The following ADAMTS14 variants were observed in gnomAD, a reference collection of about 807,000 sequenced individuals.
ADAMTS14 encodes the protein ADAM metallopeptidase with thrombospondin type 1 motif 14, also known as A disintegrin and metalloproteinase with thrombospondin motifs 14.
A neutral mutation model predicts 128.6 loss-of-function variants in ADAMTS14; 100 were observed. The observed-to-expected ratio is 0.78, with a 90% CI of 0.66 to 0.92. The LOEUF is 0.92. Among genes scored for constraint, ADAMTS14 ranks in the 40% least tolerant of loss-of-function variants. The pLI is 0.00. For missense variants in ADAMTS14, 1,562 were observed against 1,658.6 expected (o/e 0.94, Z 1.01); for synonymous variants, 665 against 653.8 (o/e 1.02, Z -0.26).
chr10:70,737,246 C>T (rs1178356028), intron 10 of ADAMTS14, among the ~76,000 whole-genome samples: 1 of 152,186 alleles, frequency 6.6e-6, no homozygotes, highest in African/African-American at 2.4e-5. Flanking sequence ...CTCCCCACAC[C>T]AACCTCCTTC....
rs139717923 is a variant in ADAMTS14 at position 70,695,886 on chromosome 10, G to A, written c.523-6426G>A. On this transcript the variant is annotated intron_variant, in intron 2 of 21. Transcript: ENST00000373207. ...GACATGCCAGGGAGAGCTGATGATG[G>A]GAGGAGCTGTGTGAGACCAGGACAA... Among the ~76,000 whole-genome samples the A allele has an allele frequency of 2.8e-3, 423 of 152,350 alleles. 3 individuals are homozygous for A. Among genetic ancestry groups the A allele is most frequent in the African/African-American group, 9.6e-3 (398 of 41,588 alleles).
chr10:70,695,527 G>A (rs1246058454), intron 2 of ADAMTS14, among the ~76,000 whole-genome samples: 1 of 152,180 alleles, frequency 6.6e-6, no homozygotes, highest in African/African-American at 2.4e-5. Flanking sequence ...GTTATGTAGG[G>A]TGTTGCTTTC....
Position 70,751,615 on chromosome 10 carries a change from C to G in ADAMTS14, c.2565C>G (p.Ser855Arg). ...ACACCTATGAGTGGGCGCTCAAGAG[C>G]TGGGCCCCCTGCAGCAAGGCCTGTG... The part of the protein sequence containing the change: ...EMDTYEWALK[S>R]WAPCSKACGG... Residue 855 changes from serine (S) to arginine (R), a missense_variant, in exon 17 of 22, where the codon AGC becomes AGG. Physicochemically the swap from Ser to Arg is moderately radical, Grantham distance 110. Coordinates refer to ENST00000373207, the MANE Select transcript of ADAMTS14 (RefSeq NM_080722.4). 1 of 1,611,734 alleles carries G rather than the reference C, an allele frequency of 6.2e-7. No homozygotes were observed. Among genetic ancestry groups the G allele is most frequent in the Non-Finnish European group, 8.5e-7 (1 of 1,178,022 alleles).
intron 19 of ADAMTS14, among the ~76,000 whole-genome samples, chr10:70,755,272 A>T (rs7071335): frequency 6.7e-6 from 1 of 149,394 alleles, no homozygotes; most frequent in African/African-American, 2.5e-5. Flanking sequence ...ATACCATGCC[A>T]CTGCACTCCA....
intron 7 of ADAMTS14, among the ~76,000 whole-genome samples, chr10:70,733,515 G>A (rs1301519193): frequency 6.6e-6 from 1 of 152,214 alleles, no homozygotes; most frequent in Non-Finnish European, 1.5e-5. Flanking sequence ...GTTTTTAATG[G>A]TGGGATAGAT....
At chr10:70,709,943 G>A (rs1049243806) in intron 4 of ADAMTS14, among the ~76,000 whole-genome samples, 3 of 152,234 alleles carry the variant, frequency 2.0e-5, no homozygotes, top group African/African-American at 7.2e-5. Context: ...AGGAGGGTGA[G>A]AGCATATGGC....
Position 70,708,594 on chromosome 10 carries a change from G to A in ADAMTS14, c.686G>A (p.Gly229Asp), listed in dbSNP as rs1463906213. 6 of 1,603,934 alleles carry A rather than the reference G, an allele frequency of 3.7e-6. No individual in the cohort carries two copies. In the South Asian group the frequency reaches 6.6e-5, roughly 18 times the overall value. Residue 229 changes from glycine to aspartate, a missense_variant, in exon 4 of 22, where the codon GGC becomes GAC. Coordinates refer to ENST00000373207, the MANE Select transcript of ADAMTS14 (RefSeq NM_080722.4). Reference sequence around the variant, plus strand: ...CTTCCTGTCTTGGTTCCAGCCTTTGGCCTGGGAGACCTTCCCAACCTGCTG... The same window carrying A: ...CTTCCTGTCTTGGTTCCAGCCTTTGACCTGGGAGACCTTCCCAACCTGCTG... ...PDGDLHNEAFGLGDLPNLLGL... is the reference protein window; with the variant it reads ...PDGDLHNEAFDLGDLPNLLGL...
chr10:70,685,773 ACAG>A (rs1839934212), intron 2 of ADAMTS14, among the ~76,000 whole-genome samples: 1 of 152,210 alleles, frequency 6.6e-6, no homozygotes, highest in African/African-American at 2.4e-5. Flanking sequence ...AGCTGTGGCA[ACAG>A]CTTCAGAATG....
chr10:70,697,299 G>A (rs61363130), intron 2 of ADAMTS14, among the ~76,000 whole-genome samples: 2,345 of 152,322 alleles, frequency 0.015, 60 homozygotes, highest in African/African-American at 0.054. Context: ...TGGTCCAAGC[G>A]GCAGCAGGCG....
chr10:70,676,482 C>T (rs1235629231), intron 2 of ADAMTS14, among the ~76,000 whole-genome samples: 3 of 152,246 alleles, frequency 2.0e-5, no homozygotes, highest in South Asian at 2.1e-4. Flanking sequence ...AGTTGGTTCT[C>T]ATAGTTGAGC....
chr10:70,749,636 TGCGCGCAC>T (rs1842289023), intron 15 of ADAMTS14, among the ~76,000 whole-genome samples, 178 bp from the exon 16 acceptor site: 1 of 145,920 alleles, frequency 6.9e-6, no homozygotes, highest in African/African-American at 2.7e-5. Flanking sequence ...TGTGTGTGTG[TGCGCGCAC>T]GTGGGTTTGA....
chr10:70,676,121 C>A (rs570725341), intron 2 of ADAMTS14, among the ~76,000 whole-genome samples: 11 of 150,318 alleles, frequency 7.3e-5, no homozygotes, highest in Admixed American at 5.3e-4. Flanking sequence ...CAGTCTACCC[C>A]ACGATGAGGT....
chr10:70,743,792 AC>A, intron 13 of ADAMTS14, 111 bp downstream of exon 13: 1 of 1,397,326 alleles, frequency 7.2e-7, no homozygotes. Context: ...CACTCGCAAC[AC>A]CCTGTTGGTC....
At chr10:70,711,809 G>A (rs1231488312) in intron 4 of ADAMTS14, among the ~76,000 whole-genome samples, 2 of 152,136 alleles carry the variant, frequency 1.3e-5, no homozygotes, top group African/African-American at 2.4e-5. Context: ...CGAGAGAAGC[G>A]GGTGGCCGGC....
Position 70,745,256 on chromosome 10 carries a change from G to A in ADAMTS14, c.2213G>A (p.Gly738Asp), listed in dbSNP as rs757243301. 4 of 1,612,560 alleles carry A rather than the reference G, an allele frequency of 2.5e-6. No individual in the cohort carries two copies. Among genetic ancestry groups the A allele is most frequent in the Non-Finnish European group, 3.4e-6 (4 of 1,179,988 alleles). The part of the protein sequence containing the change: ...GALKLVQIPA[G>D]ARHIQIEALE... ...CTCAAGCTGGTGCAGATCCCAGCAG[G>A]TGCCAGGCACATCCAGATTGAGGCA... The change falls in exon 15 of 22, where the codon GGT becomes GAT. Residue 738 changes from glycine (G) to aspartate (D), a missense_variant. Physicochemically the swap from Gly to Asp is moderately conservative, Grantham distance 94 (BLOSUM62 -1). Coordinates refer to ENST00000373207, the MANE Select transcript of ADAMTS14 (RefSeq NM_080722.4).
intron 14 of ADAMTS14, among the ~76,000 whole-genome samples, chr10:70,744,522 A>G (rs1185031963): frequency 6.6e-6 from 1 of 152,242 alleles, no homozygotes. Flanking sequence ...CTAAAGGTGT[A>G]GCCAAGACTG....
At chr10:70,732,815 G>T (rs1359817676) in intron 7 of ADAMTS14, among the ~76,000 whole-genome samples, 1 of 152,236 alleles carries the variant, frequency 6.6e-6, no homozygotes, top group Non-Finnish European at 1.5e-5. Flanking sequence ...ACTGTAAACA[G>T]GTGCACTTAG....
chr10:70,709,399 T>C (rs1840767287), intron 4 of ADAMTS14, among the ~76,000 whole-genome samples: 1 of 151,940 alleles, frequency 6.6e-6, no homozygotes, highest in Non-Finnish European at 1.5e-5. Context: ...GAAAAGCTAG[T>C]TTTTCAAGAA....
chr10:70,709,058 C>T (rs964192619), intron 4 of ADAMTS14, among the ~76,000 whole-genome samples: 4 of 152,222 alleles, frequency 2.6e-5, no homozygotes, highest in Non-Finnish European at 5.9e-5. Context: ...AGGCCTCCTG[C>T]GCTGGAGCCT....
Sources: gnomAD v4.1 joint callset for allele counts (sites outside exome capture counted in the v4.1 genomes callset) on GRCh38, gnomAD v4.1.1 for gene constraint, MANE v1.5 for transcripts, NCBI Gene and HGNC (gene_info 2026-07-23, HGNC 2026-07-21) for gene names.